Variants in AGMO observed in about 807,000 individuals in gnomAD.
AGMO encodes glyceryl-ether monooxygenase.
AGMO carries 75 observed loss-of-function variants against 60.2 expected under a neutral mutation model. That is an observed-to-expected ratio of 1.25 (90% CI 1.03 to 1.51). The LOEUF (loss-of-function observed/expected upper bound fraction) is 1.51. Among genes scored for constraint, AGMO ranks in the 40% most tolerant of loss-of-function variants. AGMO has a pLI of 0.00. For synonymous variants in AGMO, 261 were observed against 177.1 expected (o/e 1.47, Z -3.76); for missense variants, 763 against 525.5 (o/e 1.45, Z -4.42).
chr7:15,145,229 T>C, the AGMO span, among the ~76,000 whole-genome samples: 8 of 152,336 alleles, frequency 5.3e-5, no homozygotes, highest in East Asian at 1.5e-3. Context: ...ATGTATTATG[T>C]CTTACCATTT....
chr7:15,521,101 A>G (rs1583640618), intron 3 of AGMO, among the ~76,000 whole-genome samples: 1 of 152,320 alleles, frequency 6.6e-6, no homozygotes, highest in East Asian at 1.9e-4. Context: ...TCTAGAAGAA[A>G]TGGACAAATT....
At chr7:15,330,257 A>G (rs1295395493) in intron 12 of AGMO, among the ~76,000 whole-genome samples, 1 of 152,110 alleles carries the variant, frequency 6.6e-6, no homozygotes, top group East Asian at 1.9e-4. Context: ...CTAGACTCAT[A>G]ATTTAATTGT....
chr7:15,529,633 AAT>A (rs542202341), intron 3 of AGMO, among the ~76,000 whole-genome samples: 1,074 of 18,744 alleles, frequency 0.057, 341 homozygotes, highest in African/African-American at 0.23. Flanking sequence ...ATATATATAG[AAT>A]ATATATATAT....
rs146487520 is a variant in AGMO at position 15,478,229 on chromosome 7, G to A, written c.410-47121C>T. 6.6e-3 allele frequency among the ~76,000 whole-genome samples: 1,011 copies of A among 152,262 alleles called. 6 individuals are homozygous for A. The highest frequency in any genetic ancestry group is 0.012 in the Non-Finnish European group (789 of 68,016). ...AGTCCTGGACTAGAAATTAGAAGAAGTTGAATTCATGCACTCGACTTGTTG... is the reference window on the plus strand; with the variant it reads ...AGTCCTGGACTAGAAATTAGAAGAAATTGAATTCATGCACTCGACTTGTTG... On this transcript the variant is annotated intron_variant, in intron 3 of 12. Transcript: ENST00000342526.
intron 3 of AGMO, among the ~76,000 whole-genome samples, chr7:15,441,832 A>T (rs1781566163): frequency 1.3e-5 from 2 of 152,210 alleles, no homozygotes. Flanking sequence ...AGAGAAAAAA[A>T]GAGCACTGAA....
In AGMO at chr7:15,257,562, A is replaced by G. The variant is rs111689131; in HGVS notation, c.1264-56203T>C. 9.8e-5 allele frequency among the ~76,000 whole-genome samples: 15 copies of G among 152,324 alleles called. 1 individual carries two copies. Among genetic ancestry groups the G allele is most frequent in the African/African-American group, 3.6e-4 (15 of 41,586 alleles). On this transcript the variant is annotated intron_variant, in intron 12 of 12. Coordinates refer to ENST00000342526, the MANE Select transcript of AGMO (RefSeq NM_001004320.2). The stretch of plus-strand genomic sequence containing the variant: ...ACATAAGTGAGGAGATTCTTTTGCA[A>G]TTTTTCCCCTCTGATGATTAGAAAT...
intron 12 of AGMO, among the ~76,000 whole-genome samples, chr7:15,233,174 A>G (rs1019924792): frequency 3.3e-5 from 5 of 152,230 alleles, no homozygotes; most frequent in Non-Finnish European, 7.3e-5. Context: ...AGTAGCCTTA[A>G]AAATCTATAA....
intron 12 of AGMO, chr7:15,358,074 T>G (rs899555644): frequency 1.4e-4 from 25 of 177,780 alleles, no homozygotes; most frequent in Non-Finnish European, 1.4e-4. Flanking sequence ...GTTGACATAT[T>G]AACTGGGTAA....
intron 12 of AGMO, among the ~76,000 whole-genome samples, chr7:15,216,837 T>C (rs1287872443): frequency 6.7e-6 from 1 of 149,304 alleles, no homozygotes; most frequent in African/African-American, 2.5e-5. Context: ...AGAAAAAGTG[T>C]GTGTGTGTGT....
chr7:15,390,572 G>T, intron 8 of AGMO, 99 bp downstream of exon 8: 2 of 914,820 alleles, frequency 2.2e-6, no homozygotes, highest in Non-Finnish European at 3.3e-6. Context: ...TTTCAGGTTA[G>T]TGTAATATAC....
At chr7:15,249,594 C>T (rs964908371) in intron 12 of AGMO, among the ~76,000 whole-genome samples, 6 of 152,100 alleles carry the variant, frequency 3.9e-5, no homozygotes, top group Non-Finnish European at 7.4e-5. Flanking sequence ...AAAAGTCATT[C>T]TCACCTGAAT....
intron 12 of AGMO, among the ~76,000 whole-genome samples, chr7:15,223,245 A>G (rs1781976899): frequency 6.6e-6 from 1 of 151,984 alleles, no homozygotes. Context: ...TGACTTGATC[A>G]TTATTGCTGT....
chr7:15,449,320 G>A (rs1781793148), intron 3 of AGMO, among the ~76,000 whole-genome samples: 1 of 128,528 alleles, frequency 7.8e-6, no homozygotes, highest in African/African-American at 3.1e-5. Context: ...AGCATATTAA[G>A]AGTGCTTCTC....
At chr7:15,444,819 A>G (rs757706788) in intron 3 of AGMO, among the ~76,000 whole-genome samples, 3 of 152,078 alleles carry the variant, frequency 2.0e-5, no homozygotes, top group Non-Finnish European at 4.4e-5. Context: ...TGAACTCTAG[A>G]CCTGATTTCC....
intron 5 of AGMO, among the ~76,000 whole-genome samples, chr7:15,412,052 C>T (rs1231636657): frequency 6.6e-6 from 1 of 152,100 alleles, no homozygotes; most frequent in African/African-American, 2.4e-5. Flanking sequence ...GCGTTTGCTG[C>T]TATAGAGTAA....
intron 12 of AGMO, among the ~76,000 whole-genome samples, chr7:15,346,635 TA>T (rs1296137931): frequency 6.6e-6 from 1 of 150,630 alleles, no homozygotes; most frequent in African/African-American, 2.5e-5. Flanking sequence ...AAAAATACCA[TA>T]AAGAAGTTAT....
At chr7:15,457,026 T>C (rs1199514969) in intron 3 of AGMO, among the ~76,000 whole-genome samples, 1 of 152,202 alleles carries the variant, frequency 6.6e-6, no homozygotes, top group African/African-American at 2.4e-5. Flanking sequence ...CATGTTTTTC[T>C]ATTGTAAACT....
chr7:15,170,516 A>C, the AGMO span, among the ~76,000 whole-genome samples: 13 of 152,154 alleles, frequency 8.5e-5, no homozygotes, highest in Admixed American at 2.0e-4. Flanking sequence ...GCATACATCT[A>C]TATGCACTTT....
At chr7:15,411,876 CAT>C (rs769630325) in intron 5 of AGMO, among the ~76,000 whole-genome samples, 11 of 152,128 alleles carry the variant, frequency 7.2e-5, no homozygotes, top group Non-Finnish European at 1.6e-4. Flanking sequence ...TATCTTTACA[CAT>C]GAGTGGATCT....
Sources: allele counts gnomAD v4.1 joint callset (sites outside exome capture counted in the v4.1 genomes callset), GRCh38; gene constraint gnomAD v4.1.1; transcripts MANE v1.5; gene names NCBI Gene and HGNC (gene_info 2026-07-23, HGNC 2026-07-21).